Variants in MSI2 observed in about 807,000 individuals in gnomAD.
The protein encoded by MSI2 is RNA-binding protein Musashi homolog 2.
Under a neutral mutation model 45.6 loss-of-function variants are expected in MSI2, and 17 were observed. That is an observed-to-expected ratio of 0.37 (90% CI 0.26 to 0.56). The LOEUF is 0.56. Among genes scored for constraint, MSI2 ranks in the 20% least tolerant of loss-of-function variants. MSI2 has a pLI of 0.77. For missense variants in MSI2, 293 were observed against 444.2 expected, an observed-to-expected ratio of 0.66 and a Z score of 3.06; for synonymous variants, 156 against 158.2, an observed-to-expected ratio of 0.99 and a Z score of 0.11.
intron 11 of MSI2, among the ~76,000 whole-genome samples, chr17:57,657,068 A>G (rs187999614): frequency 1.8e-4 from 28 of 152,322 alleles, no homozygotes; most frequent in African/African-American, 6.5e-4. Context: ...TCAGGGTGCA[A>G]GTTATCTACT....
At chr17:57,515,910 A>G (rs994560422) in intron 6 of MSI2, among the ~76,000 whole-genome samples, 10 of 152,162 alleles carry the variant, frequency 6.6e-5, no homozygotes, top group African/African-American at 2.4e-4. Context: ...ATTATTATAC[A>G]TTTTTATTTT....
chr17:57,475,732 T>C (rs891606998), intron 6 of MSI2, among the ~76,000 whole-genome samples: 4 of 152,150 alleles, frequency 2.6e-5, no homozygotes, highest in Non-Finnish European at 4.4e-5. Context: ...GAGTCCTTTC[T>C]GAGGAGCCCC....
Position 57,682,511 on chromosome 17 carries a change from A to G in MSI2, c.*2994A>G, listed in dbSNP as rs1238573043. Reference sequence around the variant, plus strand: ...GATAATCTGTGTGAATATGTTTTAGATGTTTATATACCTTTTGAAGAGACC... The same window carrying G: ...GATAATCTGTGTGAATATGTTTTAGGTGTTTATATACCTTTTGAAGAGACC... On this transcript the variant is annotated 3_prime_UTR_variant, in exon 14 of 14. Coordinates refer to ENST00000284073, the MANE Select transcript of MSI2 (RefSeq NM_138962.4). 3 of 206,444 alleles carry G rather than the reference A, an allele frequency of 1.5e-5. No individual in the cohort carries two copies. Among genetic ancestry groups the G allele is most frequent in the Non-Finnish European group, 3.0e-5 (3 of 101,420 alleles). The allele number at this position is 206,444 out of a possible 1,614,324, so 12.8% of individuals were successfully genotyped here. A position where few individuals can be genotyped will look rare whatever the true frequency, so the allele number is the denominator to read the frequency against.
chr17:57,346,187 A>G (rs1915581572), intron 5 of MSI2, among the ~76,000 whole-genome samples: 1 of 152,194 alleles, frequency 6.6e-6, no homozygotes, highest in Non-Finnish European at 1.5e-5. Flanking sequence ...TTGTAAGAAA[A>G]CTTTACATCA....
chr17:57,270,104 A>C (rs1285449916), intron 5 of MSI2, among the ~76,000 whole-genome samples: 2 of 152,186 alleles, frequency 1.3e-5, no homozygotes, highest in African/African-American at 2.4e-5. Flanking sequence ...CCTGGCTGCT[A>C]TCTTGCTTTA....
chr17:57,604,412 C>T (rs554384099), intron 8 of MSI2, among the ~76,000 whole-genome samples: 3 of 152,054 alleles, frequency 2.0e-5, no homozygotes, highest in Admixed American at 2.0e-4. Flanking sequence ...GCAAGTGGTG[C>T]GGGACCTGGG....
At chr17:57,587,185 C>T (rs1184221290) in intron 7 of MSI2, among the ~76,000 whole-genome samples, 1 of 152,150 alleles carries the variant, frequency 6.6e-6, no homozygotes, top group Admixed American at 6.5e-5. Flanking sequence ...TCAGCCCCAC[C>T]TTGATATATT....
chr17:57,256,390 G>T, upstream of MSI2: 1 of 163,726 alleles, frequency 6.1e-6, no homozygotes, highest in Admixed American at 6.4e-5. Flanking sequence ...GACGTCACCG[G>T]CATTGGTTAC....
At chr17:57,506,071 C>T (rs1050837342) in intron 6 of MSI2, among the ~76,000 whole-genome samples, 2 of 152,180 alleles carry the variant, frequency 1.3e-5, no homozygotes, top group African/African-American at 4.8e-5. Context: ...CACACTTACC[C>T]AGCAGGCACT....
At chr17:57,402,681 G>A (rs927337980) in intron 6 of MSI2, among the ~76,000 whole-genome samples, 1 of 152,180 alleles carries the variant, frequency 6.6e-6, no homozygotes. Context: ...AAATGGAGAT[G>A]TTCTTGTCTC....
chr17:57,563,746 G>GCGCACACACACACACACACACACACA (rs534460755), intron 7 of MSI2, among the ~76,000 whole-genome samples: 41 of 139,398 alleles, frequency 2.9e-4, no homozygotes, highest in Admixed American at 5.0e-4. Context: ...ACACAGGCGC[G>GCGCACACACACACACACACACACACA]CACACACACA....
chr17:57,559,498 G>A (rs1271860409), intron 7 of MSI2, among the ~76,000 whole-genome samples: 1 of 152,242 alleles, frequency 6.6e-6, no homozygotes, highest in African/African-American at 2.4e-5. Flanking sequence ...CACATGGGTA[G>A]CAGAGTGACT....
intron 5 of MSI2, among the ~76,000 whole-genome samples, chr17:57,268,732 AG>A (rs755203329): frequency 1.3e-5 from 2 of 152,094 alleles, no homozygotes; most frequent in African/African-American, 2.4e-5. Context: ...GCTACTCGGG[AG>A]GCTGAGGCAG....
intron 7 of MSI2, among the ~76,000 whole-genome samples, chr17:57,562,735 G>A (rs1464304869): frequency 6.6e-6 from 1 of 152,194 alleles, no homozygotes; most frequent in Non-Finnish European, 1.5e-5. Context: ...GATCCTCAGG[G>A]ACTGCACGAA....
intron 6 of MSI2, among the ~76,000 whole-genome samples, chr17:57,484,375 T>C (rs1223242080): frequency 6.6e-6 from 1 of 152,194 alleles, no homozygotes; most frequent in Non-Finnish European, 1.5e-5. Context: ...TTCCTGGACG[T>C]TTCACCTGGA....
chr17:57,258,209 G>C (rs1295024650), intron 3 of MSI2, 61 bp from the exon 4 acceptor site: 2 of 1,479,260 alleles, frequency 1.4e-6, no homozygotes, highest in Non-Finnish European at 1.9e-6. Context: ...TCTCACTCCT[G>C]GTTGCTTTCA....
rs559825533 is a variant in MSI2 at position 57,576,270 on chromosome 17, G to A, written c.455-20598G>A. Among the ~76,000 whole-genome samples, 128 of 152,312 alleles carry A rather than the reference G, an allele frequency of 8.4e-4. 3 individuals carry two copies. The highest frequency in any genetic ancestry group is 4.6e-4 in the Admixed American group (7 of 15,300). On this transcript the variant is annotated intron_variant, in intron 7 of 13. Coordinates refer to ENST00000284073, the MANE Select transcript of MSI2 (RefSeq NM_138962.4). ...TCTATTCCTTGCACACATTCTAGCC[G>A]TGGAGAATGTGGGTTGTGTGCTTCT...
intron 7 of MSI2, among the ~76,000 whole-genome samples, chr17:57,531,300 G>A (rs1019348828): frequency 6.6e-6 from 1 of 152,228 alleles, no homozygotes; most frequent in Non-Finnish European, 1.5e-5. Context: ...GGTAATCATA[G>A]AACCTCCTCA....
the MSI2 span, among the ~76,000 whole-genome samples, chr17:57,691,477 A>G: frequency 3.3e-5 from 5 of 152,208 alleles, no homozygotes; most frequent in African/African-American, 9.6e-5. Flanking sequence ...TTTTAGCAAG[A>G]TGGAGTTTTA....
Sources: allele counts gnomAD v4.1 joint callset (sites outside exome capture counted in the v4.1 genomes callset), GRCh38; gene constraint gnomAD v4.1.1; transcripts MANE v1.5; gene names NCBI Gene and HGNC (gene_info 2026-07-23, HGNC 2026-07-21).